BLTP3B: variants seen among roughly 807,000 people sequenced by gnomAD.
BLTP3B encodes bridge-like lipid transfer protein family member 3B.
At chr12:100,080,764 G>A in the BLTP3B span, among the ~76,000 whole-genome samples, 1 of 142,652 alleles carries the variant, frequency 7.0e-6, no homozygotes, top group African/African-American at 2.6e-5. Context: ...AACTTTGGGG[G>A]ACAGTTAGGA....
At chr12:100,142,700 TCTC>T in the BLTP3B span, 1 of 1,559,498 alleles carries the variant, frequency 6.4e-7, no homozygotes, top group Non-Finnish European at 8.7e-7. Flanking sequence ...TTCGTGGCCG[TCTC>T]CTCTCTGTCC....
At chr12:100,118,995 G>A in the BLTP3B span, among the ~76,000 whole-genome samples, 1 of 151,986 alleles carries the variant, frequency 6.6e-6, no homozygotes, top group African/African-American at 2.4e-5. Flanking sequence ...CCAGCTACTC[G>A]GGAGGCTGAG....
the BLTP3B span, among the ~76,000 whole-genome samples, chr12:100,071,718 T>C: frequency 8.5e-5 from 13 of 152,120 alleles, no homozygotes; most frequent in African/African-American, 2.9e-4. Context: ...AAATTGTAAA[T>C]GCTAAAAGTT....
the BLTP3B span, among the ~76,000 whole-genome samples, chr12:100,126,712 C>G: frequency 1.3e-5 from 2 of 151,886 alleles, no homozygotes; most frequent in Admixed American, 1.3e-4. Context: ...CTTAACAGCG[C>G]CAAGGATGGA....
At chr12:100,121,151 C>A in the BLTP3B span, among the ~76,000 whole-genome samples, 2 of 151,802 alleles carry the variant, frequency 1.3e-5, no homozygotes, top group African/African-American at 2.4e-5. Context: ...AGTTTGAGAC[C>A]AGCCTGACCA....
At chr12:100,058,537 T>C in the BLTP3B span, 1 of 1,613,180 alleles carries the variant, frequency 6.2e-7, no homozygotes, top group Non-Finnish European at 8.5e-7. Context: ...ATATCCCTAC[T>C]AATTTGTTTT....
chr12:100,069,727 G>A, the BLTP3B span, among the ~76,000 whole-genome samples: 5 of 152,084 alleles, frequency 3.3e-5, no homozygotes, highest in Admixed American at 6.6e-5. Flanking sequence ...GGAAGGGGGT[G>A]AGGGATAAAA....
At chr12:100,095,958 G>A in the BLTP3B span, 2 of 1,016,254 alleles carry the variant, frequency 2.0e-6, no homozygotes, top group East Asian at 2.9e-5. Flanking sequence ...CTTCACACAA[G>A]AAGTATTTAC....
At chr12:100,067,033 G>T in the BLTP3B span, among the ~76,000 whole-genome samples, 1 of 151,992 alleles carries the variant, frequency 6.6e-6, no homozygotes, top group South Asian at 2.1e-4. Context: ...CTACTTCAAA[G>T]GAACCTTCAA....
At chr12:100,102,716 T>C in the BLTP3B span, 1 of 1,224,560 alleles carries the variant, frequency 8.2e-7, no homozygotes, top group South Asian at 1.4e-5. Flanking sequence ...TTTTTTTTTT[T>C]TTTAATGTCC....
chr12:100,075,318 T>C, the BLTP3B span, among the ~76,000 whole-genome samples: 1 of 151,968 alleles, frequency 6.6e-6, no homozygotes. Flanking sequence ...CTACACCTTC[T>C]ACTATATACA....
chr12:100,057,589 G>A, the BLTP3B span: 3 of 1,607,400 alleles, frequency 1.9e-6, no homozygotes, highest in Non-Finnish European at 2.5e-6. Context: ...AAAAACATAT[G>A]GCTATCACTT....
the BLTP3B span, among the ~76,000 whole-genome samples, chr12:100,136,585 AG>A: frequency 0.014 from 2,195 of 152,286 alleles, 58 homozygotes; most frequent in African/African-American, 0.05. Context: ...TTACCATAAA[AG>A]TTTATGATAC....
the BLTP3B span, among the ~76,000 whole-genome samples, chr12:100,116,042 C>A: frequency 6.6e-6 from 1 of 151,756 alleles, no homozygotes; most frequent in Non-Finnish European, 1.5e-5. Context: ...TGTGGTGGTG[C>A]ACACCTGCAA....
the BLTP3B span, among the ~76,000 whole-genome samples, chr12:100,142,154 AG>A: frequency 6.6e-6 from 1 of 152,238 alleles, no homozygotes; most frequent in African/African-American, 2.4e-5. Flanking sequence ...ACACTGCGCC[AG>A]AAGCCCTCGG....
chr12:100,083,215 G>C, the BLTP3B span: 13 of 940,932 alleles, frequency 1.4e-5, no homozygotes, highest in African/African-American at 2.0e-4. Context: ...GCAGGTACCA[G>C]AAATATATGT....
At chr12:100,074,623 G>A in the BLTP3B span, among the ~76,000 whole-genome samples, 5 of 148,974 alleles carry the variant, frequency 3.4e-5, no homozygotes, top group Admixed American at 2.0e-4. Flanking sequence ...CCACACTGCT[G>A]AAAACAATAT....
chr12:100,140,729 A>AAAAAATATAT, the BLTP3B span, among the ~76,000 whole-genome samples: 5 of 61,486 alleles, frequency 8.1e-5, no homozygotes, highest in African/African-American at 4.1e-4. Context: ...AAAAAAAAAA[A>AAAAAATATAT]ATATATATAT....
chr12:100,097,781 G>A, the BLTP3B span, among the ~76,000 whole-genome samples: 2 of 152,178 alleles, frequency 1.3e-5, no homozygotes, highest in South Asian at 4.1e-4. Context: ...ACGTTACCAA[G>A]AAACAAACAA....
Sources: gnomAD v4.1 joint callset for allele counts (sites outside exome capture counted in the v4.1 genomes callset) on GRCh38, gnomAD v4.1.1 for gene constraint, MANE v1.5 for transcripts, NCBI Gene and HGNC (gene_info 2026-07-23, HGNC 2026-07-21) for gene names.